The following DIP2C variants were observed in gnomAD, a reference collection of about 807,000 sequenced individuals.
DIP2C encodes the protein disco-interacting protein 2 homolog C.
Under a neutral mutation model 192.4 loss-of-function variants are expected in DIP2C, and 33 were observed. The ratio of observed to expected loss-of-function variants is 0.17; its 90% CI spans 0.13 to 0.23. The LOEUF is 0.23. DIP2C is among the 10% of genes least tolerant of loss of function. The pLI is 1.00. For missense variants in DIP2C, 1,537 were observed against 2,110.1 expected, an observed-to-expected ratio of 0.73 and a Z score of 5.32; for synonymous variants, 979 against 864.1, an observed-to-expected ratio of 1.13 and a Z score of -2.33.
chr10:408,590 T>C (rs777110183), intron 9 of DIP2C, among the ~76,000 whole-genome samples: 1 of 152,188 alleles, frequency 6.6e-6, no homozygotes, highest in Non-Finnish European at 1.5e-5. Context: ...TGGAGTCCTT[T>C]AGGTAGGATA....
chr10:297,241 TACACACAC>T (rs140637166), intron 32 of DIP2C, among the ~76,000 whole-genome samples: 35 of 115,622 alleles, frequency 3.0e-4, no homozygotes, highest in Middle Eastern at 9.1e-3. Context: ...CCCCACCACA[TACACACAC>T]ACACACACAC....
At chr10:569,535 C>CT (rs1564209109) in intron 1 of DIP2C, among the ~76,000 whole-genome samples, 1 of 152,120 alleles carries the variant, frequency 6.6e-6, no homozygotes, top group Non-Finnish European at 1.5e-5. Context: ...TGTGTGGCCT[C>CT]TTAAAGTGAT....
At chr10:441,323 T>G (rs1233848555) in intron 3 of DIP2C, among the ~76,000 whole-genome samples, 1 of 152,080 alleles carries the variant, frequency 6.6e-6, no homozygotes, top group Non-Finnish European at 1.5e-5. Context: ...AGCCTCCAAA[T>G]CCTTTCACTG....
intron 1 of DIP2C, among the ~76,000 whole-genome samples, chr10:506,651 C>A (rs1845610546): frequency 6.6e-6 from 1 of 152,248 alleles, no homozygotes. Context: ...AGGGGCTGGG[C>A]ACTCCTGCAG....
At chr10:604,502 A>C (rs1208990344) in intron 1 of DIP2C, among the ~76,000 whole-genome samples, 1 of 152,260 alleles carries the variant, frequency 6.6e-6, no homozygotes, top group Admixed American at 6.5e-5. Context: ...CCAGAAAGTA[A>C]GTACAGTGTG....
At chr10:337,237 C>T (rs62639298) in intron 29 of DIP2C, among the ~76,000 whole-genome samples, 369 of 5,910 alleles carry the variant, frequency 0.062, no homozygotes, top group Middle Eastern at 0.17. Flanking sequence ...AGGCCTAGGC[C>T]GGTGTGTGTG....
In DIP2C at chr10:568,765, C is replaced by CAAAAAAAAAAAA. The variant is rs1206501677; in HGVS notation, c.86-82247_86-82236dup. Reference sequence around the variant, plus strand: ...TGGGCGACAGAGGGAAACTCCGTCTCAAAAAAAAAAAAAAAAAAAAAAAAA... The same window carrying CAAAAAAAAAAAA: ...TGGGCGACAGAGGGAAACTCCGTCTCAAAAAAAAAAAAAAAAAAAAAAAAAAAAAAAAAAAAA... On this transcript the variant is annotated intron_variant, in intron 1 of 36. Coordinates refer to ENST00000280886, the MANE Select transcript of DIP2C (RefSeq NM_014974.3). Among the ~76,000 whole-genome samples the CAAAAAAAAAAAA allele has an allele frequency of 8.7e-4, 33 of 37,878 alleles. 9 individuals carry two copies. Among genetic ancestry groups the CAAAAAAAAAAAA allele is most frequent in the Non-Finnish European group, 1.1e-3 (24 of 21,492 alleles). The allele number at this position is 37,878 out of a possible 152,430, so 24.8% of individuals were successfully genotyped here.
chr10:617,772 A>C (rs1214253771), intron 1 of DIP2C, among the ~76,000 whole-genome samples: 1 of 150,724 alleles, frequency 6.6e-6, no homozygotes, highest in Non-Finnish European at 1.5e-5. Flanking sequence ...CCTGCCACAC[A>C]GGGCAACCAG....
At chr10:663,104 G>A in intron 1 of DIP2C, 1 of 551,062 alleles carries the variant, frequency 1.8e-6, no homozygotes, top group Non-Finnish European at 3.3e-6. Flanking sequence ...AGCCTGGTCT[G>A]CAGAGGGGGA....
chr10:381,145 GAT>G (rs1360926555), intron 17 of DIP2C, among the ~76,000 whole-genome samples: 1 of 152,062 alleles, frequency 6.6e-6, no homozygotes, highest in African/African-American at 2.4e-5. Context: ...TCACCACTGA[GAT>G]AGAGTTGCTG....
intron 22 of DIP2C, among the ~76,000 whole-genome samples, 186 bp from the exon 23 acceptor site, chr10:358,123 G>C (rs1336002520): frequency 3.3e-5 from 5 of 152,116 alleles, no homozygotes; most frequent in African/African-American, 1.2e-4. Context: ...ACAAGCCTTG[G>C]TCAGGTTCTT....
intron 1 of DIP2C, among the ~76,000 whole-genome samples, chr10:568,685 G>A (rs1339995905): frequency 6.9e-6 from 1 of 144,782 alleles, no homozygotes; most frequent in African/African-American, 2.5e-5. Context: ...AGAATGGCGT[G>A]AACCCGGGAG....
chr10:608,105 A>ACACACACAC (rs1462217370), intron 1 of DIP2C, among the ~76,000 whole-genome samples: 1 of 145,374 alleles, frequency 6.9e-6, no homozygotes, highest in Non-Finnish European at 1.5e-5. Context: ...CTAAAAAGGA[A>ACACACACAC]CACACACACC....
At chr10:474,721 A>G (rs1230265479) in intron 2 of DIP2C, among the ~76,000 whole-genome samples, 6 of 152,224 alleles carry the variant, frequency 3.9e-5, no homozygotes, top group South Asian at 4.1e-4. Flanking sequence ...TTTCTACCCC[A>G]GTGAGACCGA....
At chr10:414,249 G>A in intron 7 of DIP2C, 139 bp from the exon 8 acceptor site, 2 of 1,083,072 alleles carry the variant, frequency 1.8e-6, no homozygotes, top group Non-Finnish European at 2.6e-6. Context: ...TGCTTTTCTA[G>A]AATTGGGGTC....
At chr10:376,515 G>T (rs1428000618) in intron 17 of DIP2C, among the ~76,000 whole-genome samples, 2 of 145,086 alleles carry the variant, frequency 1.4e-5, no homozygotes, top group Non-Finnish European at 3.0e-5. Context: ...GGGAGGGGGG[G>T]TCTTCCCTTC....
Position 506,563 on chromosome 10 carries a change from C to T in DIP2C, c.86-20033G>A, listed in dbSNP as rs371088871. On this transcript the variant is annotated intron_variant, in intron 1 of 36. Transcript: ENST00000280886. The stretch of plus-strand genomic sequence containing the variant: ...ATGGGGACGCTGAATGATACGCCAA[C>T]GTACCAGAATAGAATCCCCAGTACT... Among the ~76,000 whole-genome samples the T allele has an allele frequency of 4.0e-4, 61 of 152,268 alleles. 1 individual carries two copies. The South Asian group carries it at 0.012, about 31-fold the overall frequency.
chr10:580,117 CATCT>C (rs1054132118), intron 1 of DIP2C, among the ~76,000 whole-genome samples: 2 of 152,136 alleles, frequency 1.3e-5, no homozygotes, highest in African/African-American at 4.8e-5. Context: ...ATAGGTATAA[CATCT>C]ATATACATGC....
At chr10:488,095 G>C (rs61839514) in intron 1 of DIP2C, among the ~76,000 whole-genome samples, 5,397 of 152,312 alleles carry the variant, frequency 0.035, 175 homozygotes, top group African/African-American at 0.085. Flanking sequence ...CGAGCCCCCA[G>C]TCAATCAGCA....
Sources: gnomAD v4.1 joint callset for allele counts (sites outside exome capture counted in the v4.1 genomes callset) on GRCh38, gnomAD v4.1.1 for gene constraint, MANE v1.5 for transcripts, NCBI Gene and HGNC (gene_info 2026-07-23, HGNC 2026-07-21) for gene names.